TET3: variants seen among roughly 807,000 people sequenced by gnomAD.
TET3 encodes tet methylcytosine dioxygenase 3.
In TET3, 19 loss-of-function variants were observed where a neutral mutation model predicts 141.4. That is an observed-to-expected ratio of 0.13 (90% confidence interval 0.09 to 0.20). The LOEUF is 0.20. Among genes scored for constraint, TET3 ranks in the 10% least tolerant of loss-of-function variants. The pLI, the probability that TET3 is intolerant of heterozygous loss-of-function variation, is 1.00. For synonymous variants in TET3, 1,043 were observed against 980.9 expected, an observed-to-expected ratio of 1.06 and a Z score of -1.18; for missense variants, 1,874 against 2,356.9, an observed-to-expected ratio of 0.80 and a Z score of 4.24.
At chr2:74,012,784 G>T (rs1400003547) in intron 3 of TET3, among the ~76,000 whole-genome samples, 1 of 152,170 alleles carries the variant, frequency 6.6e-6, no homozygotes, top group East Asian at 1.9e-4. Context: ...GGGTATTGCT[G>T]ATTGTTTGAG....
intron 8 of TET3, among the ~76,000 whole-genome samples, chr2:74,090,350 C>T (rs1474168286): frequency 6.6e-6 from 1 of 152,146 alleles, no homozygotes; most frequent in Non-Finnish European, 1.5e-5. Context: ...AGAATTTGGC[C>T]CTCTCAGAGG....
chr2:74,127,264 A>C, the TET3 span, among the ~76,000 whole-genome samples: 1 of 152,246 alleles, frequency 6.6e-6, no homozygotes, highest in South Asian at 2.1e-4. Context: ...AAGGTCTCCC[A>C]AAGTGAAATG....
At chr2:74,030,173 A>T (rs1686602425) in intron 3 of TET3, among the ~76,000 whole-genome samples, 1 of 152,184 alleles carries the variant, frequency 6.6e-6, no homozygotes, top group African/African-American at 2.4e-5. Flanking sequence ...ATAGGAAAGG[A>T]ATGGTTGTTA....
At chr2:74,056,425 G>C (rs186138872) in intron 4 of TET3, among the ~76,000 whole-genome samples, 2 of 152,294 alleles carry the variant, frequency 1.3e-5, no homozygotes, top group Admixed American at 1.3e-4. Context: ...ATAGAATTAA[G>C]TGCACAGGGT....
chr2:74,066,242 T>C (rs1208639279), intron 4 of TET3, among the ~76,000 whole-genome samples: 1 of 152,206 alleles, frequency 6.6e-6, no homozygotes, highest in Non-Finnish European at 1.5e-5. Flanking sequence ...TATATTTGTA[T>C]CTCCTTTATG....
intron 3 of TET3, among the ~76,000 whole-genome samples, chr2:74,012,860 TAAG>T (rs536930781): frequency 1.7e-4 from 26 of 152,342 alleles, no homozygotes; most frequent in Admixed American, 5.2e-4. Flanking sequence ...TACATTTTAT[TAAG>T]AAGTTTTTTT....
In TET3 at chr2:74,102,803, G is replaced by A. The variant is rs1022958840; in HGVS notation, c.*627G>A. On this transcript the variant is annotated 3_prime_UTR_variant, in exon 12 of 12. Coordinates refer to ENST00000409262, the MANE Select transcript of TET3 (RefSeq NM_001287491.2). ...ACACCCCTTCCCTTTGGGGAAGGGA[G>A]CCTCAGGACAGCTTCTGTCCTCTCT... is the stretch of plus-strand genomic sequence containing the variant. 6.6e-6 allele frequency: 1 copy of A among 152,142 alleles called. No individual in the cohort carries two copies. The highest frequency in any genetic ancestry group is 2.4e-5 in the African/African-American group (1 of 41,430). The allele number at this position is 152,142 out of a possible 1,614,324, so 9.4% of individuals were successfully genotyped here.
chr2:74,035,184 AGAGT>A (rs1452961980), intron 3 of TET3, among the ~76,000 whole-genome samples: 1 of 139,890 alleles, frequency 7.1e-6, no homozygotes, highest in Non-Finnish European at 1.5e-5. Flanking sequence ...CCTGGGCAAC[AGAGT>A]GAGACTCCGT....
intron 3 of TET3, among the ~76,000 whole-genome samples, chr2:74,016,107 C>T (rs908741227): frequency 9.2e-5 from 14 of 151,866 alleles, no homozygotes; most frequent in African/African-American, 3.4e-4. Context: ...GTGGCTCATG[C>T]TTATAGTCCC....
intron 3 of TET3, among the ~76,000 whole-genome samples, chr2:74,039,532 G>A (rs1687235718): frequency 6.6e-6 from 1 of 152,150 alleles, no homozygotes; most frequent in Non-Finnish European, 1.5e-5. Context: ...CTATTGTCAG[G>A]CAACAAATCA....
chr2:74,009,668 A>G (rs1352572555), intron 3 of TET3, among the ~76,000 whole-genome samples: 19 of 152,182 alleles, frequency 1.2e-4, no homozygotes, highest in African/African-American at 4.6e-4. Flanking sequence ...GCTTCAGTCC[A>G]TCCCTAGTCC....
intron 3 of TET3, among the ~76,000 whole-genome samples, chr2:74,005,914 G>T (rs542601259): frequency 6.6e-6 from 1 of 152,286 alleles, no homozygotes; most frequent in Admixed American, 6.5e-5. Context: ...TGGCAGCCTG[G>T]AGAGGAGTGA....
chr2:74,125,998 G>A, the TET3 span, among the ~76,000 whole-genome samples: 1 of 152,148 alleles, frequency 6.6e-6, no homozygotes, highest in African/African-American at 2.4e-5. Flanking sequence ...TGGCTCAGGT[G>A]ATCCAACCAC....
Position 74,099,290 on chromosome 2 carries a change from C to A in TET3, c.3282C>A (p.Thr1094=). ...GCTTGGGGCAGGTCTGCACCCTGAC[C>A]AAGGAAGACAATCGCTGCGTGGGCA... ...YNGCTVVCTL[T]KEDNRCVGKI... Residue 1094 remains threonine, a synonymous_variant, in exon 11 of 12, where the codon ACC becomes ACA. Transcript: ENST00000409262. The A allele has an allele frequency of 6.2e-7, 1 of 1,600,514 alleles. No individual in the cohort carries two copies. Among genetic ancestry groups the A allele is most frequent in the Non-Finnish European group, 8.5e-7 (1 of 1,173,554 alleles).
At position 74,087,697 on chromosome 2, in the gene TET3, T is replaced by G; in HGVS notation, c.2680-133T>G. On this transcript the variant is annotated intron_variant, in intron 6 of 11. Coordinates refer to ENST00000409262, the MANE Select transcript of TET3 (RefSeq NM_001287491.2). This position sits in a 1 kb window ranked among gnomAD's most constrained non-coding sequence, Gnocchi z 4.3. Reference sequence around the variant, plus strand: ...TCTCTTAGCTTGTAAGGTTGCTGTCTTCAGGGCATGACATCCCTAGAACCC... The same window carrying G: ...TCTCTTAGCTTGTAAGGTTGCTGTCGTCAGGGCATGACATCCCTAGAACCC... The G allele has an allele frequency of 1.3e-6, 1 of 757,104 alleles. No homozygotes were observed. Among genetic ancestry groups the G allele is most frequent in the East Asian group, 2.8e-5 (1 of 35,644 alleles). The allele number at this position is 757,104 out of a possible 1,614,324, so 46.9% of individuals were successfully genotyped here.
At chr2:74,111,882 T>C (rs949745678), downstream of TET3, among the ~76,000 whole-genome samples, 6 of 152,174 alleles carry the variant, frequency 3.9e-5, no homozygotes, top group African/African-American at 7.2e-5. Flanking sequence ...GGTGGGAATC[T>C]ACCTACCTAA....
At chr2:74,002,591 C>G (rs994284036) in intron 2 of TET3, 1 of 330,346 alleles carries the variant, frequency 3.0e-6, no homozygotes, top group Non-Finnish European at 5.5e-6. Context: ...CCCCGCCTCC[C>G]GGCTGGGCAG....
intron 6 of TET3, among the ~76,000 whole-genome samples, chr2:74,082,235 G>A (rs989272520): frequency 1.2e-4 from 19 of 152,190 alleles, no homozygotes; most frequent in African/African-American, 3.4e-4. Context: ...CAGTGGTAAA[G>A]CGATAAGTCC....
intron 3 of TET3, among the ~76,000 whole-genome samples, chr2:74,031,096 A>G (rs1686659899): frequency 6.6e-6 from 1 of 152,110 alleles, no homozygotes; most frequent in African/African-American, 2.4e-5. Context: ...CAGTCAAGGA[A>G]AAAGGAAACT....
Sources: gnomAD v4.1 joint callset for allele counts (sites outside exome capture counted in the v4.1 genomes callset) on GRCh38, gnomAD v4.1.1 for gene constraint, Gnocchi (gnomAD v3.1) non-coding constraint, MANE v1.5 for transcripts, NCBI Gene and HGNC (gene_info 2026-07-23, HGNC 2026-07-21) for gene names.